Variants in RAB34 observed in about 807,000 individuals in gnomAD.
RAB34 encodes RAB34, member RAS oncogene family.
A neutral mutation model predicts 39.0 loss-of-function variants in RAB34; 33 were observed. That is an observed-to-expected ratio of 0.85 (90% CI 0.64 to 1.13). The LOEUF (loss-of-function observed/expected upper bound fraction) is 1.13. RAB34 is among the 50% of genes most tolerant of loss of function. The pLI is 0.00. For synonymous variants in RAB34, 135 were observed against 125.1 expected (o/e 1.08, Z -0.53); for missense variants, 289 against 326.1 (o/e 0.89, Z 0.88).
chr17:28,718,355 G>T, upstream of RAB34: 1 of 1,128,320 alleles, frequency 8.9e-7, no homozygotes, highest in Non-Finnish European at 1.3e-6. Context: ...GCCAGGGTTA[G>T]AATGAGGTGC....
At position 28,716,927 on chromosome 17, in the gene RAB34, T is replaced by A; in HGVS notation, c.122A>T (p.Gln41Leu). The A allele has an allele frequency of 6.2e-7, 1 of 1,613,408 alleles. No individual in the cohort carries two copies. Among genetic ancestry groups the A allele is most frequent in the Non-Finnish European group, 8.5e-7 (1 of 1,179,866 alleles). The change falls in exon 2 of 10, where the codon CAG becomes CTG. Residue 41 changes from glutamine (Q) to leucine (L), a missense_variant. Physicochemically the swap from Gln to Leu is moderately radical, Grantham distance 113. Coordinates refer to ENST00000395245, the MANE Select transcript of RAB34 (RefSeq NM_031934.6). ...CCCCACGGTGCCTGTCCGGTGCTCC[T>A]GGCAGGCGCAGGTGACGCGGGGGTG... ...DFHPRVTCACQEHRTGTVGFK... is the reference protein window; with the variant it reads ...DFHPRVTCACLEHRTGTVGFK...
At position 28,716,947 on chromosome 17, in the gene RAB34, G is replaced by A; in HGVS notation, c.102C>T (p.Pro34=). Reference sequence around the variant, plus strand: ...GCTCCTGGCAGGCGCAGGTGACGCGGGGGTGGAAGTCTTTGTGCCCGTGCA... The same window carrying A: ...GCTCCTGGCAGGCGCAGGTGACGCGAGGGTGGAAGTCTTTGTGCCCGTGCA... ...AALHGHKDFH[P]RVTCACQEHR... is the part of the protein sequence containing the mutation. The change falls in exon 2 of 10, where the codon CCC becomes CCT. Residue 34 remains proline (P), a synonymous_variant. Coordinates refer to ENST00000395245, the MANE Select transcript of RAB34 (RefSeq NM_031934.6). 1 of 1,613,662 alleles carries A rather than the reference G, an allele frequency of 6.2e-7. No individual in the cohort carries two copies. Among genetic ancestry groups the A allele is most frequent in the South Asian group, 1.1e-5 (1 of 91,070 alleles).
In RAB34 at chr17:28,717,393, G is replaced by C; in HGVS notation, c.-127C>G. On this transcript the variant is annotated 5_prime_UTR_variant, in exon 1 of 10. Transcript: ENST00000395245. The stretch of plus-strand genomic sequence containing the variant: ...GTCCCGACTACAACTCGGGGCCACG[G>C]GGACCCTACGGGAGTCCGCGGTCTC... 6.6e-7 allele frequency: 1 copy of C among 1,515,834 alleles called. No individual in the cohort carries two copies. The highest frequency in any genetic ancestry group is 1.2e-5 in the South Asian group (1 of 83,314). The allele number at this position is 1,515,834 out of a possible 1,614,324, so 93.9% of individuals were successfully genotyped here.
Position 28,717,485 on chromosome 17 carries a change from A to C in RAB34, c.-219T>G. The C allele has an allele frequency of 7.0e-7, 1 of 1,435,494 alleles. No individual in the cohort carries two copies. Among genetic ancestry groups the C allele is most frequent in the Non-Finnish European group, 9.1e-7 (1 of 1,096,600 alleles). 88.9% of individuals were successfully genotyped at this position (1,435,494 alleles called of 1,614,324 possible). A position where few individuals can be genotyped will look rare whatever the true frequency, so the allele number is the denominator to read the frequency against. Reference sequence around the variant, plus strand: ...CACCCGGGGCCGCGGCGAGCCCAAAATCACCCGGGCCCTGGGCGTCCCGAA... The same window carrying C: ...CACCCGGGGCCGCGGCGAGCCCAAACTCACCCGGGCCCTGGGCGTCCCGAA... On this transcript the variant is annotated 5_prime_UTR_variant, in exon 1 of 10. Transcript: ENST00000395245.
intron 4 of RAB34, 42 bp downstream of exon 4, chr17:28,715,758 C>T (rs754061847): frequency 1.2e-6 from 2 of 1,612,496 alleles, no homozygotes; most frequent in Non-Finnish European, 1.7e-6. Context: ...GGTGTGGGTG[C>T]TGGGGAGAAG....
Position 28,715,140 on chromosome 17 carries a change from T to A in RAB34, c.514-18A>T. The A allele has an allele frequency of 6.2e-7, 1 of 1,613,856 alleles. No individual in the cohort carries two copies. The highest frequency in any genetic ancestry group is 1.6e-4 in the Middle Eastern group (1 of 6,062). ...GCAGGGGTCTGAGGGAAGGCCAGAG[T>A]CAGAGGGGGGCATTCCCTCACCAAG... On this transcript the variant is annotated intron_variant, in intron 7 of 9. Transcript: ENST00000395245.
intron 2 of RAB34, 160 bp downstream of exon 2, chr17:28,716,743 T>C (rs2151708050): frequency 3.7e-6 from 3 of 802,690 alleles, no homozygotes; most frequent in Admixed American, 3.3e-5. Context: ...AACAACCTTG[T>C]TGGGAGAAAA....
At chr17:28,717,107 G>A in intron 1 of RAB34, 106 bp downstream of exon 1, 1 of 1,542,658 alleles carries the variant, frequency 6.5e-7, no homozygotes, top group Non-Finnish European at 8.7e-7. Flanking sequence ...ACCAGGCCTA[G>A]CTGGGTGGCA....
chr17:28,715,185 G>C lies in RAB34; in HGVS notation c.513+10C>G. On this transcript the variant is annotated intron_variant, in intron 7 of 9. Coordinates refer to ENST00000395245, the MANE Select transcript of RAB34 (RefSeq NM_031934.6). ...ACCAAGCTGGGAAGTCCCCCCACTGGCACACTCACACTCAGATCCTTCTTG... is the reference window on the plus strand; with the variant it reads ...ACCAAGCTGGGAAGTCCCCCCACTGCCACACTCACACTCAGATCCTTCTTG... 1 of 1,613,728 alleles carries C rather than the reference G, an allele frequency of 6.2e-7. No individual in the cohort carries two copies. Among genetic ancestry groups the C allele is most frequent in the East Asian group, 2.2e-5 (1 of 44,888 alleles).
chr17:28,717,940 C>A, upstream of RAB34: 2 of 780,942 alleles, frequency 2.6e-6, no homozygotes, highest in Admixed American at 5.2e-5. Context: ...GGCCTCGCTG[C>A]CCGCCCTCGC....
chr17:28,715,230 G>A lies in RAB34; in HGVS notation c.478C>T (p.Leu160Phe), dbSNP rs1340564657. The stretch of plus-strand genomic sequence containing the variant: ...TTCTTGGAACCTACAAGGAAGAGAA[G>A]CACACTGGAAGGGTCATTCTCCTTC... ...ALKENDPSSV[L>F]LFLVGSKKDL... Residue 160 changes from leucine (L) to phenylalanine (F), a missense_variant, in exon 7 of 10, where the codon CTT becomes TTT. Coordinates refer to ENST00000395245, the MANE Select transcript of RAB34 (RefSeq NM_031934.6). The A allele has an allele frequency of 6.2e-7, 1 of 1,613,842 alleles. No homozygotes were observed. Among genetic ancestry groups the A allele is most frequent in the East Asian group, 2.2e-5 (1 of 44,900 alleles).
chr17:28,717,429 C>T lies in RAB34; in HGVS notation c.-163G>A, dbSNP rs1223507247. 2.0e-6 allele frequency: 3 copies of T among 1,490,710 alleles called. No individual in the cohort carries two copies. The highest frequency in any genetic ancestry group is 1.2e-5 in the South Asian group (1 of 81,194). The allele number at this position is 1,490,710 out of a possible 1,614,324, so 92.3% of individuals were successfully genotyped here. ...GGAGTCCGCGGTCTCGGAGACGCTACGACCACCGCGGGCCACGGAGATGAA... is the reference window on the plus strand; with the variant it reads ...GGAGTCCGCGGTCTCGGAGACGCTATGACCACCGCGGGCCACGGAGATGAA... On this transcript the variant is annotated 5_prime_UTR_variant, in exon 1 of 10. Transcript: ENST00000395245.
chr17:28,717,822 G>A lies in RAB34; in HGVS notation c.-556C>T. On this transcript the variant is annotated 5_prime_UTR_variant, in exon 1 of 10. Coordinates refer to ENST00000395245, the MANE Select transcript of RAB34 (RefSeq NM_031934.6). ...AGGAGGGGGCGAGGGGCCCAGTCCGGCTACAGGGCCTCGAGTCCCACTCCG... is the reference window on the plus strand; with the variant it reads ...AGGAGGGGGCGAGGGGCCCAGTCCGACTACAGGGCCTCGAGTCCCACTCCG... 1 of 1,337,014 alleles carries A rather than the reference G, an allele frequency of 7.5e-7. No homozygotes were observed. Among genetic ancestry groups the A allele is most frequent in the Non-Finnish European group, 9.5e-7 (1 of 1,050,898 alleles). 82.8% of individuals were successfully genotyped at this position (1,337,014 alleles called of 1,614,324 possible). A position where few individuals can be genotyped will look rare whatever the true frequency, so the allele number is the denominator to read the frequency against.
In RAB34 at chr17:28,717,834, C is replaced by G; in HGVS notation, c.-568G>C. ...GGGGCCCAGTCCGGCTACAGGGCCT[C>G]GAGTCCCACTCCGCTCGGGCTCCGC... On this transcript the variant is annotated 5_prime_UTR_variant, in exon 1 of 10. Coordinates refer to ENST00000395245, the MANE Select transcript of RAB34 (RefSeq NM_031934.6). 7.5e-7 allele frequency: 1 copy of G among 1,341,116 alleles called. No homozygotes were observed. Among genetic ancestry groups the G allele is most frequent in the Non-Finnish European group, 9.5e-7 (1 of 1,053,338 alleles). 83.1% of individuals were successfully genotyped at this position (1,341,116 alleles called of 1,614,324 possible). A position where few individuals can be genotyped will look rare whatever the true frequency, so the allele number is the denominator to read the frequency against.
At chr17:28,715,419 C>T in intron 6 of RAB34, 37 bp downstream of exon 6, 2 of 1,612,804 alleles carry the variant, frequency 1.2e-6, no homozygotes, top group Non-Finnish European at 1.7e-6. Flanking sequence ...CCCTCTCTTC[C>T]CGGAGCCTCC....
At position 28,715,044 on chromosome 17, in the gene RAB34, A is replaced by T. The variant is rs756922447; in HGVS notation, c.592T>A (p.Ser198Thr). Reference protein sequence around the residue: ...QEMKAEYWAVSSLTGENVREF... With the variant: ...QEMKAEYWAVTSLTGENVREF... ...GCCTCCAACTCACCAGTGAGAGATG[A>T]GACTGCCCAGTACTCAGCCTTCATC... The change falls in exon 8 of 10, where the codon TCA becomes ACA. Residue 198 changes from serine to threonine, a missense_variant. Ser to Thr is a moderately conservative substitution (Grantham distance 58, BLOSUM62 1). Transcript: ENST00000395245. 12 of 1,613,900 alleles carry T rather than the reference A, an allele frequency of 7.4e-6. No homozygotes were observed. The highest frequency in any genetic ancestry group is 1.7e-5 in the Admixed American group (1 of 60,006).
chr17:28,715,127 G>A lies in RAB34; in HGVS notation c.514-5C>T. ...CAGCGCATACTGAGCAGGGGTCTGA[G>A]GGAAGGCCAGAGTCAGAGGGGGGCA... On this transcript the variant is annotated splice_region_variant and splice_polypyrimidine_tract_variant and intron_variant, in intron 7 of 9. Transcript: ENST00000395245. The A allele has an allele frequency of 6.2e-7, 1 of 1,614,128 alleles. No individual in the cohort carries two copies. The highest frequency in any genetic ancestry group is 1.1e-5 in the South Asian group (1 of 91,082).
chr17:28,717,196 G>T lies in RAB34; in HGVS notation c.54+17C>A. ...CCCGGGCTGTAGACTGAAGCCCGAC[G>T]TGGCCCCGGCGCCTACCTGGGGCAG... On this transcript the variant is annotated intron_variant, in intron 1 of 9. Transcript: ENST00000395245. 1 of 1,593,362 alleles carries T rather than the reference G, an allele frequency of 6.3e-7. No individual in the cohort carries two copies.
rs1162896840 is a variant in RAB34 at position 28,717,531 on chromosome 17, A to T, written c.-265T>A. The stretch of plus-strand genomic sequence containing the variant: ...CCGAAGATGACTCTGGGGCGAGGAG[A>T]CTCTTCGGCCGCCAATTGGGGGCGG... On this transcript the variant is annotated 5_prime_UTR_variant, in exon 1 of 10. Coordinates refer to ENST00000395245, the MANE Select transcript of RAB34 (RefSeq NM_031934.6). 4.2e-6 allele frequency: 6 copies of T among 1,415,956 alleles called. No individual in the cohort carries two copies. The highest frequency in any genetic ancestry group is 5.5e-6 in the Non-Finnish European group (6 of 1,088,740). The allele number at this position is 1,415,956 out of a possible 1,614,324, so 87.7% of individuals were successfully genotyped here.
Sources: gnomAD v4.1 joint callset for allele counts on GRCh38, gnomAD v4.1.1 for gene constraint, MANE v1.5 for transcripts, NCBI Gene and HGNC (gene_info 2026-07-23, HGNC 2026-07-21) for gene names.